Variants in EVA1A observed in about 807,000 individuals in gnomAD.
EVA1A encodes eva-1 homolog A, regulator of programmed cell death.
Under a neutral mutation model 9.8 loss-of-function variants are expected in EVA1A, and 7 were observed. The ratio of observed to expected loss-of-function variants is 0.71; its 90% CI spans 0.41 to 1.34. The LOEUF is 1.34. Among genes scored for constraint, EVA1A ranks in the 40% most tolerant of loss-of-function variants. EVA1A has a pLI of 0.01. For missense variants in EVA1A, 206 were observed against 205.9 expected (o/e 1.00, Z 0.00); for synonymous variants, 90 against 85.6 (o/e 1.05, Z -0.28).
At chr2:75,550,349 C>A (rs921640673) in intron 1 of EVA1A, among the ~76,000 whole-genome samples, 5 of 152,158 alleles carry the variant, frequency 3.3e-5, no homozygotes, top group Non-Finnish European at 7.4e-5. Context: ...CTCAGAGAAG[C>A]AGGTGTCTCT....
At chr2:75,544,466 T>C (rs563501508) in intron 1 of EVA1A, among the ~76,000 whole-genome samples, 5 of 152,336 alleles carry the variant, frequency 3.3e-5, no homozygotes, top group African/African-American at 9.6e-5. Flanking sequence ...CCAACAGTAA[T>C]GCAGGGCCAT....
chr2:75,562,105 CA>C (rs1028718377), upstream of EVA1A, among the ~76,000 whole-genome samples: 8 of 152,190 alleles, frequency 5.3e-5, no homozygotes, highest in African/African-American at 1.9e-4. Flanking sequence ...TTAGTATCTG[CA>C]GCTTAACAAG....
chr2:75,493,037 T>A lies in EVA1A; in HGVS notation c.*199A>T, dbSNP rs1001065341. 2 of 721,120 alleles carry A rather than the reference T, an allele frequency of 2.8e-6. No homozygotes were observed. The highest frequency in any genetic ancestry group is 4.6e-6 in the Non-Finnish European group (2 of 436,552). The allele number at this position is 721,120 out of a possible 1,614,324, so 44.7% of individuals were successfully genotyped here. A position where few individuals can be genotyped will look rare whatever the true frequency, so the allele number is the denominator to read the frequency against. ...CCATTCCGAGACCTGGAAAGGGTGA[T>A]GAACTGCTTTGATTTTTCTACTTCT... On this transcript the variant is annotated 3_prime_UTR_variant, in exon 4 of 4. Coordinates refer to ENST00000393913, the MANE Select transcript of EVA1A (RefSeq NM_001135032.2).
intron 3 of EVA1A, among the ~76,000 whole-genome samples, chr2:75,512,074 C>T (rs1397560479): frequency 6.6e-6 from 1 of 151,130 alleles, no homozygotes; most frequent in Non-Finnish European, 1.5e-5. Flanking sequence ...TATGGGGTAC[C>T]CAAAGGTGAC....
At chr2:75,515,514 G>C (rs1157057879) in intron 3 of EVA1A, among the ~76,000 whole-genome samples, 1 of 152,164 alleles carries the variant, frequency 6.6e-6, no homozygotes, top group Non-Finnish European at 1.5e-5. Context: ...ATTAGAACTG[G>C]AAAGTAAAAC....
intron 3 of EVA1A, among the ~76,000 whole-genome samples, chr2:75,497,938 A>C (rs1363687497): frequency 6.6e-6 from 1 of 152,142 alleles, no homozygotes; most frequent in Non-Finnish European, 1.5e-5. Flanking sequence ...GAACTTAAAA[A>C]AGAACTATGA....
chr2:75,496,872 G>T (rs1455880936), intron 3 of EVA1A, among the ~76,000 whole-genome samples: 1 of 152,192 alleles, frequency 6.6e-6, no homozygotes, highest in African/African-American at 2.4e-5. Flanking sequence ...AAAGAACCCA[G>T]AAATAAAGCT....
At position 75,554,578 on chromosome 2, in the gene EVA1A, C is replaced by T. The variant is rs533056655; in HGVS notation, c.-192+6102G>A. 4.8e-4 allele frequency among the ~76,000 whole-genome samples: 73 copies of T among 152,282 alleles called. No individual in the cohort carries two copies. In the South Asian group the frequency reaches 5.0e-3, roughly 10 times the overall value. ...ACAGCTCTCTGGAGACTATCTGGAG[C>T]GGGATAAAGGGCTCAGAGTTTGGTG... On this transcript the variant is annotated intron_variant, in intron 1 of 3. Transcript: ENST00000393913.
intron 1 of EVA1A, among the ~76,000 whole-genome samples, chr2:75,532,552 G>T (rs1675704534): frequency 6.6e-6 from 1 of 152,132 alleles, no homozygotes; most frequent in Non-Finnish European, 1.5e-5. Context: ...CTGAAAGACA[G>T]AATGATAGAA....
At chr2:75,537,318 T>C (rs964375486) in intron 1 of EVA1A, among the ~76,000 whole-genome samples, 1 of 152,326 alleles carries the variant, frequency 6.6e-6, no homozygotes. Context: ...TTGCCTCAAC[T>C]TGATAAAGAG....
In EVA1A at chr2:75,518,227, T is replaced by C; in HGVS notation, c.-68-19A>G. 1 of 1,554,802 alleles carries C rather than the reference T, an allele frequency of 6.4e-7. No individual in the cohort carries two copies. Among genetic ancestry groups the C allele is most frequent in the Non-Finnish European group, 8.7e-7 (1 of 1,153,230 alleles). ...TTCTCTTCTGTTTGGGAACATAAAG[T>C]GAGTGATAAGAAACATTCTGCTGTC... On this transcript the variant is annotated intron_variant, in intron 2 of 3. Coordinates refer to ENST00000393913, the MANE Select transcript of EVA1A (RefSeq NM_001135032.2).
intron 3 of EVA1A, among the ~76,000 whole-genome samples, chr2:75,499,637 A>G (rs1045340895): frequency 6.6e-6 from 1 of 152,158 alleles, no homozygotes; most frequent in Non-Finnish European, 1.5e-5. Flanking sequence ...TTCCTCTGAA[A>G]GAGACTTGAC....
chr2:75,517,708 G>A, intron 3 of EVA1A: 6 of 689,486 alleles, frequency 8.7e-6, no homozygotes, highest in Middle Eastern at 2.4e-4. Flanking sequence ...GAGGTTAACT[G>A]CATAGAATAA....
chr2:75,514,035 T>C (rs1168855833), intron 3 of EVA1A, among the ~76,000 whole-genome samples: 7 of 152,150 alleles, frequency 4.6e-5, no homozygotes, highest in Non-Finnish European at 7.3e-5. Flanking sequence ...CATCATCACA[T>C]CCGAATTTTG....
intron 1 of EVA1A, among the ~76,000 whole-genome samples, chr2:75,567,830 A>C (rs1677055742): frequency 6.6e-6 from 1 of 152,172 alleles, no homozygotes; most frequent in South Asian, 2.1e-4. Flanking sequence ...GTCTGAACAC[A>C]TCTGATGGAG....
At chr2:75,556,132 G>A (rs1481624562) in intron 1 of EVA1A, among the ~76,000 whole-genome samples, 1 of 152,180 alleles carries the variant, frequency 6.6e-6, no homozygotes, top group Non-Finnish European at 1.5e-5. Flanking sequence ...CGTATTGCAC[G>A]TGTATTCCAA....
chr2:75,493,805 T>C (rs988224185), intron 3 of EVA1A, among the ~76,000 whole-genome samples, 196 bp from the exon 4 acceptor site: 1 of 152,242 alleles, frequency 6.6e-6, no homozygotes, highest in East Asian at 1.9e-4. Flanking sequence ...GAAAGGTATA[T>C]GAAATTCTTT....
At chr2:75,508,987 T>C (rs1023738533) in intron 3 of EVA1A, among the ~76,000 whole-genome samples, 1 of 152,064 alleles carries the variant, frequency 6.6e-6, no homozygotes, top group Non-Finnish European at 1.5e-5. Flanking sequence ...CATGACTTGA[T>C]TGATTGATGA....
At chr2:75,502,618 A>G (rs1221192634) in intron 3 of EVA1A, among the ~76,000 whole-genome samples, 1 of 152,226 alleles carries the variant, frequency 6.6e-6, no homozygotes, top group Non-Finnish European at 1.5e-5. Flanking sequence ...GGCAAGAAGG[A>G]AAAGAGGGAA....
Sources: gnomAD v4.1 joint callset for allele counts (sites outside exome capture counted in the v4.1 genomes callset) on GRCh38, gnomAD v4.1.1 for gene constraint, MANE v1.5 for transcripts, NCBI Gene and HGNC (gene_info 2026-07-23, HGNC 2026-07-21) for gene names.